The following MTSS1 variants were observed in gnomAD, a reference collection of about 807,000 sequenced individuals.
The protein encoded by MTSS1 is protein MTSS 1.
A neutral mutation model predicts 79.0 loss-of-function variants in MTSS1; 18 were observed. That is an observed-to-expected ratio of 0.23 (90% CI 0.16 to 0.34). The LOEUF is 0.34. Ranked by LOEUF, MTSS1 falls within the 10% of genes least tolerant of loss-of-function variation. The pLI is 1.00. For missense variants in MTSS1, 815 were observed against 986.2 expected (o/e 0.83, Z 2.33); for synonymous variants, 341 against 368.6 (o/e 0.93, Z 0.86).
intron 3 of MTSS1, among the ~76,000 whole-genome samples, chr8:124,629,505 CAAA>C (rs982816199): frequency 1.8e-4 from 11 of 62,214 alleles, no homozygotes; most frequent in African/African-American, 4.6e-4. Context: ...GACTCCGTCT[CAAA>C]AAAAAAAAAA....
chr8:124,709,975 T>G (rs1056523396), intron 1 of MTSS1, among the ~76,000 whole-genome samples: 4 of 152,266 alleles, frequency 2.6e-5, no homozygotes, highest in African/African-American at 9.6e-5. Context: ...TTGCTGTCTA[T>G]AAGCCTGAGG....
intron 1 of MTSS1, among the ~76,000 whole-genome samples, chr8:124,724,868 G>A (rs1833456563): frequency 6.6e-6 from 1 of 152,162 alleles, no homozygotes; most frequent in African/African-American, 2.4e-5. Flanking sequence ...ATCACTTCCA[G>A]ACTACTGTTC....
intron 1 of MTSS1, among the ~76,000 whole-genome samples, chr8:124,707,631 C>T (rs914764114): frequency 6.6e-6 from 1 of 152,062 alleles, no homozygotes; most frequent in Admixed American, 6.6e-5. Flanking sequence ...TTGCTTGAAC[C>T]CGGAAAGTGG....
intron 3 of MTSS1, among the ~76,000 whole-genome samples, chr8:124,647,174 C>T (rs909452416): frequency 6.6e-6 from 1 of 152,178 alleles, no homozygotes; most frequent in Non-Finnish European, 1.5e-5. Context: ...AAGGAATTTA[C>T]CTACATTTTC....
chr8:124,586,565 C>T (rs952214226), intron 5 of MTSS1, among the ~76,000 whole-genome samples: 1 of 152,192 alleles, frequency 6.6e-6, no homozygotes, highest in Non-Finnish European at 1.5e-5. Flanking sequence ...CGCAGCAGTG[C>T]CTGGGTCATG....
At chr8:124,586,733 G>A (rs1830924597) in intron 5 of MTSS1, among the ~76,000 whole-genome samples, 2 of 152,218 alleles carry the variant, frequency 1.3e-5, no homozygotes, top group Admixed American at 1.3e-4. Flanking sequence ...CCCCTGTGCA[G>A]ACAGGCCACT....
Position 124,727,986 on chromosome 8 carries a change from A to ACGCGGGGCCGCTGGACTGCG in MTSS1, c.-51_-32dup, listed in dbSNP as rs567759910. On this transcript the variant is annotated 5_prime_UTR_variant, in exon 1 of 14. Coordinates refer to ENST00000518547, the MANE Select transcript of MTSS1 (RefSeq NM_014751.6). This position sits in a 1 kb window ranked among gnomAD's most constrained non-coding sequence, Gnocchi z 4.7. The stretch of plus-strand genomic sequence containing the variant: ...CGGCTCCGGCAGGGCGAGGGCACAC[A>ACGCGGGGCCGCTGGACTGCG]CGCGGGGCCGCTGGACTGCGCGCGG... 4 of 1,599,254 alleles carry ACGCGGGGCCGCTGGACTGCG rather than the reference A, an allele frequency of 2.5e-6. No homozygotes were observed. Among genetic ancestry groups the ACGCGGGGCCGCTGGACTGCG allele is most frequent in the Non-Finnish European group, 3.4e-6 (4 of 1,171,526 alleles).
intron 3 of MTSS1, among the ~76,000 whole-genome samples, chr8:124,669,675 T>C (rs764877366): frequency 1.3e-5 from 2 of 152,254 alleles, no homozygotes; most frequent in African/African-American, 4.8e-5. Context: ...TTTGTCTATA[T>C]ACATTCAGGG....
chr8:124,589,393 G>A (rs1424804834), intron 5 of MTSS1, among the ~76,000 whole-genome samples: 1 of 152,192 alleles, frequency 6.6e-6, no homozygotes, highest in African/African-American at 2.4e-5. Context: ...ACTATCAGCT[G>A]CTGAATGTTG....
chr8:124,688,340 A>ATG (rs1554719633), intron 3 of MTSS1, among the ~76,000 whole-genome samples: 47,474 of 121,740 alleles, frequency 0.39, 7,620 homozygotes, highest in East Asian at 0.5. Flanking sequence ...GTCTGTGTGT[A>ATG]TGTGTGTTGT....
At chr8:124,662,318 C>T (rs764127582) in intron 3 of MTSS1, among the ~76,000 whole-genome samples, 5 of 152,178 alleles carry the variant, frequency 3.3e-5, no homozygotes, top group Non-Finnish European at 5.9e-5. Context: ...TCCGCCAGGG[C>T]TCTAGGAGCA....
intron 3 of MTSS1, among the ~76,000 whole-genome samples, chr8:124,652,648 A>T (rs909233172): frequency 2.6e-5 from 4 of 152,114 alleles, no homozygotes; most frequent in Non-Finnish European, 2.9e-5. Flanking sequence ...TATAAAAATT[A>T]TCTGGGCATG....
intron 1 of MTSS1, among the ~76,000 whole-genome samples, chr8:124,715,685 A>AT (rs34773142): frequency 4.0e-5 from 6 of 150,316 alleles, no homozygotes; most frequent in Non-Finnish European, 3.0e-5. Context: ...TTCCATAGCC[A>AT]TTTTTTTTTT....
At chr8:124,638,018 G>C (rs929731281) in intron 3 of MTSS1, among the ~76,000 whole-genome samples, 1 of 152,204 alleles carries the variant, frequency 6.6e-6, no homozygotes, top group Non-Finnish European at 1.5e-5. Context: ...TGGGAGCAGC[G>C]TAGTACTTCC....
chr8:124,727,687 C>A lies in MTSS1; in HGVS notation c.72+197G>T, dbSNP rs1031145028. The A allele has an allele frequency of 4.5e-6, 3 of 670,496 alleles. No individual in the cohort carries two copies. The highest frequency in any genetic ancestry group is 8.2e-6 in the Non-Finnish European group (3 of 366,146). The allele number at this position is 670,496 out of a possible 1,614,324, so 41.5% of individuals were successfully genotyped here. A position where few individuals can be genotyped will look rare whatever the true frequency, so the allele number is the denominator to read the frequency against. On this transcript the variant is annotated intron_variant, in intron 1 of 13. Coordinates refer to ENST00000518547, the MANE Select transcript of MTSS1 (RefSeq NM_014751.6). The surrounding 1 kb of genome is among the most constrained non-coding windows in gnomAD (Gnocchi z 4.7). ...GGACAGCAGACACCCCCCAGAGAAG[C>A]CACCCGCCCAGTGACCCCGCAGAGC...
At chr8:124,681,068 G>A (rs1276173311) in intron 3 of MTSS1, among the ~76,000 whole-genome samples, 1 of 152,166 alleles carries the variant, frequency 6.6e-6, no homozygotes, top group African/African-American at 2.4e-5. Context: ...GCATGAAAGA[G>A]ACTCCAATGT....
chr8:124,716,820 C>A (rs913634556), intron 1 of MTSS1, among the ~76,000 whole-genome samples: 1 of 151,824 alleles, frequency 6.6e-6, no homozygotes, highest in African/African-American at 2.4e-5. Context: ...GGTGGTGAGC[C>A]CTCAAACATG....
intron 3 of MTSS1, among the ~76,000 whole-genome samples, chr8:124,614,381 G>A (rs1182934983): frequency 2.0e-5 from 3 of 152,108 alleles, no homozygotes; most frequent in Admixed American, 6.5e-5. Flanking sequence ...GAGTGAGGCC[G>A]CAATACCATT....
chr8:124,595,507 G>A (rs994570748), intron 3 of MTSS1, among the ~76,000 whole-genome samples: 3 of 152,046 alleles, frequency 2.0e-5, no homozygotes, highest in Non-Finnish European at 4.4e-5. Flanking sequence ...CAAAGCCAGC[G>A]GTGCAATCTA....
Sources: gnomAD v4.1 joint callset for allele counts (sites outside exome capture counted in the v4.1 genomes callset) on GRCh38, gnomAD v4.1.1 for gene constraint, Gnocchi (gnomAD v3.1) non-coding constraint, MANE v1.5 for transcripts, NCBI Gene and HGNC (gene_info 2026-07-23, HGNC 2026-07-21) for gene names.